Variants in HIRA observed in about 807,000 individuals in gnomAD.
HIRA encodes the protein histone cell cycle regulator, also known as protein HIRA.
A neutral mutation model predicts 126.6 loss-of-function variants in HIRA; 13 were observed. The observed-to-expected ratio is 0.10, with a 90% CI of 0.07 to 0.16. HIRA has a LOEUF of 0.16. Ranked by LOEUF, HIRA falls within the 10% of genes least tolerant of loss-of-function variation. HIRA has a pLI of 1.00. For synonymous variants in HIRA, 511 were observed against 520.0 expected (o/e 0.98, Z 0.24); for missense variants, 834 against 1,314.4 (o/e 0.63, Z 5.65).
intron 24 of HIRA, among the ~76,000 whole-genome samples, chr22:19,332,963 T>C (rs939999209): frequency 2.6e-5 from 4 of 152,270 alleles, no homozygotes; most frequent in Non-Finnish European, 4.4e-5. Context: ...GGCTGGAGCG[T>C]AGTGGTGCAA....
At chr22:19,399,709 T>C (rs1053345522) in intron 5 of HIRA, among the ~76,000 whole-genome samples, 11 of 152,250 alleles carry the variant, frequency 7.2e-5, no homozygotes, top group African/African-American at 2.7e-4. Context: ...GACTGTTTGC[T>C]TCAAAACTCC....
At position 19,331,242 on chromosome 22, in the gene HIRA, C is replaced by T. The variant is rs2088481838; in HGVS notation, c.*198G>A. The T allele has an allele frequency of 3.3e-6, 5 of 1,503,704 alleles. No homozygotes were observed. The highest frequency in any genetic ancestry group is 4.4e-6 in the Non-Finnish European group (5 of 1,126,030). The allele number at this position is 1,503,704 out of a possible 1,614,324, so 93.1% of individuals were successfully genotyped here. A position where few individuals can be genotyped will look rare whatever the true frequency, so the allele number is the denominator to read the frequency against. On this transcript the variant is annotated 3_prime_UTR_variant, in exon 25 of 25. Coordinates refer to ENST00000263208, the MANE Select transcript of HIRA (RefSeq NM_003325.4). ...GGGCTTGGAGGGAGGGATGAGCTTC[C>T]CCCTCCTGAGGCAATGTCAGACCCA... is the stretch of plus-strand genomic sequence containing the variant.
chr22:19,416,363 G>A (rs577529053), intron 1 of HIRA, among the ~76,000 whole-genome samples: 23 of 150,734 alleles, frequency 1.5e-4, no homozygotes, highest in African/African-American at 4.2e-4. Flanking sequence ...TCATTCTGTC[G>A]CCCAGGCTGG....
chr22:19,340,203 AG>A (rs34721182), intron 24 of HIRA, among the ~76,000 whole-genome samples: 3 of 152,200 alleles, frequency 2.0e-5, no homozygotes, highest in Non-Finnish European at 2.9e-5. Context: ...CCAGGGATAC[AG>A]GGAAGACTTA....
At chr22:19,347,410 C>A (rs2088698979) in intron 24 of HIRA, among the ~76,000 whole-genome samples, 1 of 152,202 alleles carries the variant, frequency 6.6e-6, no homozygotes, top group South Asian at 2.1e-4. Context: ...CAGCTGATAT[C>A]TGAGAAGATA....
chr22:19,417,390 A>C (rs887131999), intron 1 of HIRA, among the ~76,000 whole-genome samples: 14 of 151,336 alleles, frequency 9.3e-5, no homozygotes, highest in Admixed American at 7.2e-4. Context: ...TTGAGAGGCT[A>C]AGGTGGGTGG....
chr22:19,370,659 T>C lies in HIRA; in HGVS notation c.1775+4972A>G, dbSNP rs150987157. ...TTTTCTGTAAGGCCTTTGTTAAAGA[T>C]ACTGGGACTTGTTTTATTTCATTTT... On this transcript the variant is annotated intron_variant, in intron 15 of 24. Transcript: ENST00000263208. Among the ~76,000 whole-genome samples the C allele has an allele frequency of 4.6e-3, 704 of 152,326 alleles. 4 individuals are homozygous for C. Among genetic ancestry groups the C allele is most frequent in the African/African-American group, 0.016 (670 of 41,572 alleles).
intron 24 of HIRA, among the ~76,000 whole-genome samples, chr22:19,344,836 C>T (rs2088668812): frequency 6.6e-6 from 1 of 152,006 alleles, no homozygotes; most frequent in Non-Finnish European, 1.5e-5. Flanking sequence ...CATATGAAAA[C>T]CAATCACTGT....
intron 1 of HIRA, among the ~76,000 whole-genome samples, chr22:19,423,482 TAC>T (rs777914879): frequency 0.059 from 6,603 of 111,116 alleles, 165 homozygotes; most frequent in Middle Eastern, 0.083. Flanking sequence ...CACACATGCA[TAC>T]ACACACACAC....
At chr22:19,369,540 C>T (rs1451399124) in intron 15 of HIRA, among the ~76,000 whole-genome samples, 2 of 152,120 alleles carry the variant, frequency 1.3e-5, no homozygotes, top group Non-Finnish European at 1.5e-5. Flanking sequence ...GATTATCCCT[C>T]CTCCCTCTCT....
At chr22:19,406,007 G>A in intron 4 of HIRA, 127 bp from the exon 5 acceptor site, 2 of 479,908 alleles carry the variant, frequency 4.2e-6, no homozygotes, top group Non-Finnish European at 7.1e-6. Flanking sequence ...GGAAAGCACT[G>A]GGTTGTTGAA....
chr22:19,401,175 A>T (rs1322138752), intron 5 of HIRA, among the ~76,000 whole-genome samples: 2 of 152,124 alleles, frequency 1.3e-5, no homozygotes, highest in African/African-American at 4.8e-5. Context: ...GCACTTGCCT[A>T]GGCCCCCAGC....
At chr22:19,339,598 T>C (rs1556007070) in intron 24 of HIRA, among the ~76,000 whole-genome samples, 1 of 147,510 alleles carries the variant, frequency 6.8e-6, no homozygotes, top group East Asian at 2.0e-4. Flanking sequence ...GATGCACCAC[T>C]GCACTCCAGC....
Position 19,394,366 on chromosome 22 carries a change from C to T in HIRA, c.798G>A (p.Gly266=). 6.2e-7 allele frequency: 1 copy of T among 1,614,180 alleles called. No individual in the cohort carries two copies. The highest frequency in any genetic ancestry group is 8.5e-7 in the Non-Finnish European group (1 of 1,180,040). ...EGWKTNMDFV[G]HRKAVTVVKF... is the part of the protein sequence containing the mutation. ...CCACGACAGTCACAGCTTTCCGGTG[C>T]CCAACAAAGTCCATGTTGGTCTTCC... is the stretch of plus-strand genomic sequence containing the variant. The change falls in exon 8 of 25, where the codon GGG becomes GGA. Residue 266 remains glycine (G), a synonymous_variant. Transcript: ENST00000263208.
At position 19,370,150 on chromosome 22, in the gene HIRA, A is replaced by C. The variant is rs12170252; in HGVS notation, c.1775+5481T>G. Among the ~76,000 whole-genome samples the C allele has an allele frequency of 2.2e-3, 329 of 152,088 alleles. 1 individual carries two copies. The highest frequency in any genetic ancestry group is 7.6e-3 in the African/African-American group (316 of 41,512). ...ATTTTTATAGTAGAGACGGGGTTTC[A>C]CCATGTTGGCCAGGCTGGTCTCCAA... On this transcript the variant is annotated intron_variant, in intron 15 of 24. Transcript: ENST00000263208.
intron 15 of HIRA, among the ~76,000 whole-genome samples, chr22:19,365,360 A>G (rs1037545862): frequency 6.6e-6 from 1 of 152,244 alleles, no homozygotes; most frequent in African/African-American, 2.4e-5. Context: ...AGAGAAGGGA[A>G]GTCAATGCCT....
Position 19,356,221 on chromosome 22 carries a change from C to G in HIRA, c.2455+9G>C. ...CAAAAGAGTAGGGACAGCCTGTTGC[C>G]TGCATTACCTGCCAGGATGGAGTGT... On this transcript the variant is annotated intron_variant, in intron 20 of 24. Coordinates refer to ENST00000263208, the MANE Select transcript of HIRA (RefSeq NM_003325.4). 1 of 1,613,280 alleles carries G rather than the reference C, an allele frequency of 6.2e-7. No individual in the cohort carries two copies. The highest frequency in any genetic ancestry group is 8.5e-7 in the Non-Finnish European group (1 of 1,179,222).
At chr22:19,371,932 A>G (rs2088969329) in intron 15 of HIRA, among the ~76,000 whole-genome samples, 1 of 152,176 alleles carries the variant, frequency 6.6e-6, no homozygotes, top group Non-Finnish European at 1.5e-5. Context: ...ACATTCATGT[A>G]TGAGTTATTG....
At chr22:19,344,443 C>T (rs2088664955) in intron 24 of HIRA, among the ~76,000 whole-genome samples, 1 of 152,058 alleles carries the variant, frequency 6.6e-6, no homozygotes, top group African/African-American at 2.4e-5. Context: ...AACAACTTAC[C>T]AAGACTGGCT....
Sources: allele counts gnomAD v4.1 joint callset (sites outside exome capture counted in the v4.1 genomes callset), GRCh38; gene constraint gnomAD v4.1.1; transcripts MANE v1.5; gene names NCBI Gene and HGNC (gene_info 2026-07-23, HGNC 2026-07-21).